Variants in PLXNC1 observed in about 807,000 individuals in gnomAD.
The protein encoded by PLXNC1 is plexin C1.
PLXNC1 carries 75 observed loss-of-function variants against 178.2 expected under a neutral mutation model. The ratio of observed to expected loss-of-function variants is 0.42; its 90% confidence interval spans 0.35 to 0.51. PLXNC1 has a LOEUF of 0.51. PLXNC1 is among the 20% of genes least tolerant of loss of function. PLXNC1 has a pLI of 0.02. For missense variants in PLXNC1, 1,503 were observed against 1,984.4 expected, an observed-to-expected ratio of 0.76 and a Z score of 4.61; for synonymous variants, 790 against 779.9, an observed-to-expected ratio of 1.01 and a Z score of -0.22.
In PLXNC1 at chr12:94,264,516, G is replaced by C. The variant is rs573686077; in HGVS notation, c.3451-563G>C. On this transcript the variant is annotated intron_variant, in intron 20 of 30. Coordinates refer to ENST00000258526, the MANE Select transcript of PLXNC1 (RefSeq NM_005761.3). ...TCTGGGAACTGCCCGGGCCGGGCCT[G>C]GCCTGGCCCATGGAGAGGAGATAAG... Among the ~76,000 whole-genome samples, 93 of 131,974 alleles carry C rather than the reference G, an allele frequency of 7.0e-4. 1 individual carries two copies. In the South Asian group the frequency reaches 0.011, roughly 16 times the overall value. 86.6% of individuals were successfully genotyped at this position (131,974 alleles called of 152,430 possible).
At chr12:94,276,027 G>A (rs1352063221) in intron 21 of PLXNC1, among the ~76,000 whole-genome samples, 1 of 152,158 alleles carries the variant, frequency 6.6e-6, no homozygotes, top group Non-Finnish European at 1.5e-5. Context: ...GGAGGCAGTG[G>A]CAGATTTACA....
At chr12:94,280,484 G>T (rs1051112296) in intron 22 of PLXNC1, among the ~76,000 whole-genome samples, 2 of 152,212 alleles carry the variant, frequency 1.3e-5, no homozygotes, top group African/African-American at 4.8e-5. Flanking sequence ...AAAGGCCATT[G>T]ATAAAGCCTT....
rs1302629078 is a variant in PLXNC1, at chr12:94,305,444, A to G, written c.*159A>G. 1 of 588,448 alleles carries G rather than the reference A, an allele frequency of 1.7e-6. No individual in the cohort carries two copies. Among genetic ancestry groups the G allele is most frequent in the Non-Finnish European group, 3.0e-6 (1 of 328,494 alleles). The allele number at this position is 588,448 out of a possible 1,614,324, so 36.5% of individuals were successfully genotyped here. A position where few individuals can be genotyped will look rare whatever the true frequency, so the allele number is the denominator to read the frequency against. ...ACCAAGGCACATGCACAGCTTTTAG[A>G]AAGCATACCAACCCTTGTGCCTGTG... On this transcript the variant is annotated 3_prime_UTR_variant, in exon 31 of 31. Coordinates refer to ENST00000258526, the MANE Select transcript of PLXNC1 (RefSeq NM_005761.3).
At position 94,149,128 on chromosome 12, in the gene PLXNC1, C is replaced by A. The variant is rs1960842668; in HGVS notation, c.157C>A (p.Gln53Lys). 6.3e-7 allele frequency: 1 copy of A among 1,589,410 alleles called. No individual in the cohort carries two copies. Residue 53 changes from glutamine to lysine, a missense_variant, in exon 1 of 31, where the codon CAG (glutamine) becomes AAG (lysine). Gln to Lys is a moderately conservative substitution (Grantham distance 53). Coordinates refer to ENST00000258526, the MANE Select transcript of PLXNC1 (RefSeq NM_005761.3). ...AGCCATCGGAGCCATCGCGGCGAGCCAGGAGGACGGCGTGTTTGTGGCGAG... is the reference window on the plus strand; with the variant it reads ...AGCCATCGGAGCCATCGCGGCGAGCAAGGAGGACGGCGTGTTTGTGGCGAG... ...EQAIGAIAASQEDGVFVASGS... is the reference protein window; with the variant it reads ...EQAIGAIAASKEDGVFVASGS...
chr12:94,272,641 C>G (rs901748343), intron 21 of PLXNC1, among the ~76,000 whole-genome samples: 1 of 152,188 alleles, frequency 6.6e-6, no homozygotes, highest in Admixed American at 6.5e-5. Flanking sequence ...CATGGTGGCT[C>G]ACACCTGTAA....
chr12:94,293,519 T>C (rs1258383406), intron 23 of PLXNC1, among the ~76,000 whole-genome samples: 3 of 152,230 alleles, frequency 2.0e-5, no homozygotes, highest in African/African-American at 7.2e-5. Flanking sequence ...AAAGTACTAG[T>C]AGCTCGGTGA....
At chr12:94,153,056 T>C (rs1961017528) in intron 1 of PLXNC1, among the ~76,000 whole-genome samples, 1 of 152,270 alleles carries the variant, frequency 6.6e-6, no homozygotes, top group South Asian at 2.1e-4. Context: ...GTGATATTTG[T>C]ACAGCACTTC....
rs143667616 is a variant in PLXNC1 at position 94,251,443 on chromosome 12, G to A, written c.2796G>A (p.Leu932=). The A allele has an allele frequency of 3.0e-4, 486 of 1,611,280 alleles. 1 individual carries two copies. The African/African-American group carries it at 5.2e-3, about 17-fold the overall frequency. Reference sequence around the variant, plus strand: ...CCCATCAGGTCAAGCTGGGAAACCTGGAGCTCTACGTCGAGCAGGAGTCAG... The same window carrying A: ...CCCATCAGGTCAAGCTGGGAAACCTAGAGCTCTACGTCGAGCAGGAGTCAG... ...SKKVRVKLGN[L]ELYVEQESVP... is the part of the protein sequence containing the mutation. The change falls in exon 15 of 31, where the codon CTG becomes CTA. Residue 932 remains leucine (L), a synonymous_variant. Coordinates refer to ENST00000258526, the MANE Select transcript of PLXNC1 (RefSeq NM_005761.3).
At chr12:94,247,148 G>C (rs911106639) in intron 12 of PLXNC1, among the ~76,000 whole-genome samples, 1 of 152,044 alleles carries the variant, frequency 6.6e-6, no homozygotes, top group Non-Finnish European at 1.5e-5. Flanking sequence ...CCGGGCTCAC[G>C]TAACCCTCCT....
chr12:94,189,233 G>A (rs1254887430), intron 4 of PLXNC1, among the ~76,000 whole-genome samples: 1 of 152,218 alleles, frequency 6.6e-6, no homozygotes, highest in Non-Finnish European at 1.5e-5. Flanking sequence ...CCAGGGAGCT[G>A]AGGGAGCATG....
rs1022780425 is a variant in PLXNC1 at position 94,258,170 on chromosome 12, C to T, written c.3088-1167C>T. Among the ~76,000 whole-genome samples the T allele has an allele frequency of 7.9e-5, 12 of 152,184 alleles. 1 individual carries two copies. The highest frequency in any genetic ancestry group is 5.9e-4 in the Admixed American group (9 of 15,276). ...AAAAAACACACAGAGAGAACCAGGG[C>T]GGCACTTCCGTATTTACGATTAAGA... On this transcript the variant is annotated intron_variant, in intron 17 of 30. Transcript: ENST00000258526.
chr12:94,169,558 G>T (rs1961762701), intron 2 of PLXNC1, among the ~76,000 whole-genome samples: 1 of 152,088 alleles, frequency 6.6e-6, no homozygotes, highest in African/African-American at 2.4e-5. Flanking sequence ...AAGCCAGCTG[G>T]GTGAGGTAAA....
At chr12:94,205,359 T>C (rs1963267771) in intron 4 of PLXNC1, among the ~76,000 whole-genome samples, 1 of 152,140 alleles carries the variant, frequency 6.6e-6, no homozygotes, top group African/African-American at 2.4e-5. Context: ...GAAACACAAA[T>C]AAGTAAAGAA....
chr12:94,286,713 T>C (rs1467323358), intron 23 of PLXNC1, among the ~76,000 whole-genome samples: 1 of 151,536 alleles, frequency 6.6e-6, no homozygotes, highest in Non-Finnish European at 1.5e-5. Context: ...TTAGTCCACA[T>C]TAGTTAGGTT....
rs1035357970 is a variant in PLXNC1, at chr12:94,306,138, G to A, written c.*853G>A. 7.9e-5 allele frequency: 12 copies of A among 151,854 alleles called. No homozygotes were observed. Among genetic ancestry groups the A allele is most frequent in the African/African-American group, 2.9e-4 (12 of 41,314 alleles). 9.4% of individuals were successfully genotyped at this position (151,854 alleles called of 1,614,324 possible). A position where few individuals can be genotyped will look rare whatever the true frequency, so the allele number is the denominator to read the frequency against. ...AAACCTTTGATCAGAACGATCTGTG[G>A]AAGAGTAACTCCATTTCTATATGAG... On this transcript the variant is annotated 3_prime_UTR_variant, in exon 31 of 31. Coordinates refer to ENST00000258526, the MANE Select transcript of PLXNC1 (RefSeq NM_005761.3).
chr12:94,247,140 G>A (rs2001458), intron 12 of PLXNC1, among the ~76,000 whole-genome samples: 20,967 of 151,858 alleles, frequency 0.14, 1,830 homozygotes, highest in East Asian at 0.28. Flanking sequence ...TCCAACTCCC[G>A]GGCTCACGTA....
intron 1 of PLXNC1, among the ~76,000 whole-genome samples, chr12:94,151,020 C>G (rs1401171838): frequency 6.6e-6 from 1 of 152,170 alleles, no homozygotes; most frequent in Non-Finnish European, 1.5e-5. Flanking sequence ...GAGGCCGTTT[C>G]CCTTCCAAGG....
At chr12:94,242,752 G>T (rs1167289764) in intron 11 of PLXNC1, among the ~76,000 whole-genome samples, 1 of 152,086 alleles carries the variant, frequency 6.6e-6, no homozygotes, top group Non-Finnish European at 1.5e-5. Context: ...TGCCCCATGT[G>T]CCTGGTGTGT....
In PLXNC1 at chr12:94,212,273, CAAAAAAA is replaced by C. The variant is rs146191533; in HGVS notation, c.1554+2588_1554+2594del. On this transcript the variant is annotated intron_variant, in intron 5 of 30. Coordinates refer to ENST00000258526, the MANE Select transcript of PLXNC1 (RefSeq NM_005761.3). ...TGGGCGACAGAGCGAGACTCCGTCT[CAAAAAAA>C]AAAAAAAAAAAAAAAAAATAGAAAA... is the stretch of plus-strand genomic sequence containing the variant. Among the ~76,000 whole-genome samples, 34 of 89,138 alleles carry C rather than the reference CAAAAAAA, an allele frequency of 3.8e-4. 1 individual carries two copies. Among genetic ancestry groups the C allele is most frequent in the African/African-American group, 1.1e-3 (24 of 22,094 alleles). The allele number at this position is 89,138 out of a possible 152,430, so 58.5% of individuals were successfully genotyped here. A position where few individuals can be genotyped will look rare whatever the true frequency, so the allele number is the denominator to read the frequency against.
Sources: allele counts gnomAD v4.1 joint callset (sites outside exome capture counted in the v4.1 genomes callset), GRCh38; gene constraint gnomAD v4.1.1; transcripts MANE v1.5; gene names NCBI Gene and HGNC (gene_info 2026-07-23, HGNC 2026-07-21).